The following CDC42BPB variants were observed in gnomAD, a reference collection of about 807,000 sequenced individuals.
CDC42BPB encodes CDC42 binding protein kinase beta, also known as serine/threonine-protein kinase MRCK beta.
In CDC42BPB, 37 loss-of-function variants were observed where a neutral mutation model predicts 214.9. That is an observed-to-expected ratio of 0.17 (90% confidence interval 0.13 to 0.23). CDC42BPB has a LOEUF of 0.23. Ranked by LOEUF, CDC42BPB falls within the 10% of genes least tolerant of loss-of-function variation. The pLI, the probability that CDC42BPB is intolerant of heterozygous loss-of-function variation, is 1.00. For synonymous variants in CDC42BPB, 931 were observed against 884.0 expected, an observed-to-expected ratio of 1.05 and a Z score of -0.94; for missense variants, 1,694 against 2,227.0, an observed-to-expected ratio of 0.76 and a Z score of 4.82.
At chr14:103,014,578 A>C (rs185153489) in intron 1 of CDC42BPB, among the ~76,000 whole-genome samples, 1 of 152,246 alleles carries the variant, frequency 6.6e-6, no homozygotes, top group Admixed American at 6.5e-5. Context: ...ACTGAGTTCC[A>C]TATTATTAAT....
chr14:103,044,507 C>T (rs1321220269), intron 1 of CDC42BPB, among the ~76,000 whole-genome samples: 3 of 151,788 alleles, frequency 2.0e-5, no homozygotes, highest in Non-Finnish European at 4.4e-5. Flanking sequence ...GTAGCTGGGA[C>T]TACAGGCGCC....
rs950793245 is a variant in CDC42BPB at position 102,949,645 on chromosome 14, A to G, written c.3449+120T>C. 1.4e-5 allele frequency: 19 copies of G among 1,324,142 alleles called. 1 individual carries two copies. In the African/African-American group the frequency reaches 2.5e-4, roughly 17 times the overall value. 82.0% of individuals were successfully genotyped at this position (1,324,142 alleles called of 1,614,324 possible). ...GCTGTACCCATTTTTGCAACCATAC[A>G]ATAATGAAGCAGGTGAAGTACTAAT... On this transcript the variant is annotated intron_variant, in intron 26 of 36. Transcript: ENST00000361246.
At chr14:103,008,305 C>T (rs920175605) in intron 3 of CDC42BPB, among the ~76,000 whole-genome samples, 167 bp downstream of exon 3, 2 of 152,196 alleles carry the variant, frequency 1.3e-5, no homozygotes, top group African/African-American at 4.8e-5. Flanking sequence ...GAGCAGCAGG[C>T]GCCAGGGAGG....
intron 17 of CDC42BPB, 124 bp from the exon 18 acceptor site, chr14:102,966,511 C>T (rs922200868): frequency 4.7e-6 from 7 of 1,481,650 alleles, no homozygotes; most frequent in Admixed American, 2.1e-5. Context: ...CTAGAGTGCC[C>T]GCAGTGTACC....
In CDC42BPB at chr14:102,975,785, T is replaced by C; in HGVS notation, c.1406A>G (p.Gln469Arg). ...RKLQESTQTVQSLHGSSRALS... is the reference protein window; with the variant it reads ...RKLQESTQTVRSLHGSSRALS... The stretch of plus-strand genomic sequence containing the variant: ...GGCCCGAGATGAGCCGTGGAGGGAC[T>C]GCACGGTCTGGGTGGACTCTGAGGG... The change falls in exon 11 of 37, where the codon CAG (glutamine) becomes CGG (arginine). Residue 469 changes from glutamine to arginine, a missense_variant. Gln to Arg is a conservative substitution (Grantham distance 43). This residue lies in a region of CDC42BPB where 462 missense variants were observed against 513.5 expected (regional missense o/e 0.90). Coordinates refer to ENST00000361246, the MANE Select transcript of CDC42BPB (RefSeq NM_006035.4). 1 of 1,614,202 alleles carries C rather than the reference T, an allele frequency of 6.2e-7. No homozygotes were observed. The highest frequency in any genetic ancestry group is 1.7e-5 in the Admixed American group (1 of 60,030).
Position 102,939,747 on chromosome 14 carries a change from T to C in CDC42BPB, c.4710-20A>G. On this transcript the variant is annotated intron_variant, in intron 33 of 36. Transcript: ENST00000361246. ...ATCTCTCTGGGGAAAGGACACACTTTTGAGATTCATGGATACGTGAGAATC... is the reference window on the plus strand; with the variant it reads ...ATCTCTCTGGGGAAAGGACACACTTCTGAGATTCATGGATACGTGAGAATC... The C allele has an allele frequency of 1.2e-6, 2 of 1,614,118 alleles. No homozygotes were observed. The highest frequency in any genetic ancestry group is 1.1e-5 in the South Asian group (1 of 91,088).
At position 103,056,564 on chromosome 14, in the gene CDC42BPB, TGCGGGG is replaced by T. The variant is rs537537611; in HGVS notation, c.175+429_175+434del. Among the ~76,000 whole-genome samples the T allele has an allele frequency of 9.1e-3, 854 of 94,316 alleles. 9 individuals carry two copies. Among genetic ancestry groups the T allele is most frequent in the Middle Eastern group, 0.035 (7 of 202 alleles). 61.9% of individuals were successfully genotyped at this position (94,316 alleles called of 152,430 possible). A position where few individuals can be genotyped will look rare whatever the true frequency, so the allele number is the denominator to read the frequency against. On this transcript the variant is annotated intron_variant, in intron 1 of 36. Transcript: ENST00000361246. Reference sequence around the variant, plus strand: ...CTGCCTCCGGACCCCAAAGGCGAGGTGCGGGGGCGGGGGCGGGGGCGGGGGCGGATA... The same window carrying T: ...CTGCCTCCGGACCCCAAAGGCGAGGTGCGGGGGCGGGGGCGGGGGCGGATA...
At chr14:103,029,858 C>CAAAAAAAA (rs11299296) in intron 1 of CDC42BPB, among the ~76,000 whole-genome samples, 5 of 62,372 alleles carry the variant, frequency 8.0e-5, no homozygotes, top group Admixed American at 2.4e-4. Context: ...ACTCCATCTC[C>CAAAAAAAA]AAAAAAAAAA....
intron 1 of CDC42BPB, among the ~76,000 whole-genome samples, chr14:103,021,278 G>A (rs1886756303): frequency 6.6e-6 from 1 of 152,150 alleles, no homozygotes; most frequent in Admixed American, 6.5e-5. Flanking sequence ...GGCTAACACA[G>A]TGAAACCCCG....
chr14:102,955,238 C>A (rs2139410030), intron 21 of CDC42BPB, among the ~76,000 whole-genome samples: 1 of 152,306 alleles, frequency 6.6e-6, no homozygotes, highest in East Asian at 1.9e-4. Context: ...GCCTGGCCAA[C>A]ATGGCGAAAC....
At chr14:102,950,673 T>G in intron 24 of CDC42BPB, 71 bp from the exon 25 acceptor site, 1 of 1,413,122 alleles carries the variant, frequency 7.1e-7, no homozygotes, top group Non-Finnish European at 9.3e-7. Context: ...ACCTATGCCC[T>G]GAGGAGGCAA....
intron 1 of CDC42BPB, among the ~76,000 whole-genome samples, chr14:103,045,785 C>CCTGGAAACCACAGCGG (rs1375452910): frequency 6.6e-6 from 1 of 152,146 alleles, no homozygotes; most frequent in Non-Finnish European, 1.5e-5. Flanking sequence ...GTCTCGCACA[C>CCTGGAAACCACAGCGG]CTGGAAACCA....
At chr14:102,970,363 G>A in intron 13 of CDC42BPB, 102 bp from the exon 14 acceptor site, 1 of 1,479,878 alleles carries the variant, frequency 6.8e-7, no homozygotes, top group Non-Finnish European at 9.0e-7. Context: ...CCTCGAAGGA[G>A]CTCTGCGCGT....
chr14:102,992,738 T>G (rs1281846459), intron 5 of CDC42BPB, among the ~76,000 whole-genome samples: 4 of 150,394 alleles, frequency 2.7e-5, no homozygotes, highest in Admixed American at 2.0e-4. Flanking sequence ...CTGCTGAATA[T>G]ACATATATTC....
At chr14:102,954,169 G>T (rs866612517) in intron 23 of CDC42BPB, 29 bp downstream of exon 23, 1 of 1,436,160 alleles carries the variant, frequency 7.0e-7, no homozygotes, top group Middle Eastern at 1.8e-4. Flanking sequence ...TAACTAAGAA[G>T]GCGCCCCGGG....
chr14:103,002,990 A>G (rs2139605328), intron 4 of CDC42BPB, among the ~76,000 whole-genome samples: 1 of 152,242 alleles, frequency 6.6e-6, no homozygotes, highest in African/African-American at 2.4e-5. Flanking sequence ...ACACTACTCC[A>G]TCTGCTGTGA....
chr14:102,979,608 T>C (rs1256191187), intron 8 of CDC42BPB, among the ~76,000 whole-genome samples: 1 of 152,212 alleles, frequency 6.6e-6, no homozygotes, highest in Non-Finnish European at 1.5e-5. Context: ...CCCAGGTTCA[T>C]GGTCATTCAT....
intron 2 of CDC42BPB, among the ~76,000 whole-genome samples, chr14:103,011,444 G>A (rs184987940): frequency 1.3e-5 from 2 of 152,170 alleles, no homozygotes; most frequent in African/African-American, 4.8e-5. Context: ...TAGAAACTAC[G>A]TCAGAAGGCT....
In CDC42BPB at chr14:102,974,041, C is replaced by T. The variant is rs753894689; in HGVS notation, c.1616G>A (p.Arg539Gln). The T allele has an allele frequency of 4.3e-5, 69 of 1,611,198 alleles. No individual in the cohort carries two copies. Among genetic ancestry groups the T allele is most frequent in the Middle Eastern group, 1.6e-4 (1 of 6,070 alleles). ...RGLEKQHRVV[R>Q]QEKEELHKQL... is the part of the protein sequence containing the mutation. ...CTTGTGCAGCTCCTCCTTCTCCTGC[C>T]GGACCACGCGGTGCTGCTTCTCCAG... Residue 539 changes from arginine to glutamine, a missense_variant, in exon 12 of 37, where the codon CGG (arginine) becomes CAG (glutamine). Coordinates refer to ENST00000361246, the MANE Select transcript of CDC42BPB (RefSeq NM_006035.4).
Sources: allele counts gnomAD v4.1 joint callset (sites outside exome capture counted in the v4.1 genomes callset), GRCh38; gene constraint gnomAD v4.1.1; regional missense constraint gnomAD v4.1.1; transcripts MANE v1.5; gene names NCBI Gene and HGNC (gene_info 2026-07-23, HGNC 2026-07-21).